GJB7: variants seen among roughly 807,000 people sequenced by gnomAD.
GJB7 encodes the protein gap junction protein beta 7.
For synonymous variants in GJB7, 87 were observed against 95.2 expected (o/e 0.91, Z 0.50); for missense variants, 253 against 256.8 (o/e 0.99, Z 0.10).
chr6:87,288,733 T>C (rs9450650), intron 2 of GJB7, among the ~76,000 whole-genome samples: 80,908 of 151,968 alleles, frequency 0.53, 21,899 homozygotes, highest in Admixed American at 0.62. Flanking sequence ...ATCCTTCTCT[T>C]TGCCTCAAAC....
At chr6:87,321,509 G>C (rs1276913647) in intron 2 of GJB7, among the ~76,000 whole-genome samples, 1 of 152,156 alleles carries the variant, frequency 6.6e-6, no homozygotes, top group Non-Finnish European at 1.5e-5. Flanking sequence ...CGGGAGGAAG[G>C]TATAATGAGG....
chr6:87,319,679 T>C (rs1055240436), intron 2 of GJB7, among the ~76,000 whole-genome samples: 1 of 152,194 alleles, frequency 6.6e-6, no homozygotes, highest in African/African-American at 2.4e-5. Context: ...GCCAGGTATA[T>C]ACCTAAAAGA....
At chr6:87,304,142 A>C (rs1267504845) in intron 2 of GJB7, among the ~76,000 whole-genome samples, 1 of 152,198 alleles carries the variant, frequency 6.6e-6, no homozygotes, top group Non-Finnish European at 1.5e-5. Flanking sequence ...AAACACATTC[A>C]AAAGCTAGCA....
intron 2 of GJB7, among the ~76,000 whole-genome samples, chr6:87,318,603 C>A (rs1411078229): frequency 2.6e-5 from 4 of 151,824 alleles, no homozygotes; most frequent in Middle Eastern, 3.2e-3. Flanking sequence ...GTTTTTCCAG[C>A]TTATTTTGTG....
intron 2 of GJB7, among the ~76,000 whole-genome samples, chr6:87,297,752 G>A (rs928964283): frequency 6.6e-6 from 1 of 152,196 alleles, no homozygotes; most frequent in Admixed American, 6.5e-5. Context: ...GTGTCATGAG[G>A]CAGGAGCTTC....
intron 2 of GJB7, among the ~76,000 whole-genome samples, chr6:87,318,011 A>G (rs926947): frequency 0.02 from 3,055 of 152,222 alleles, 83 homozygotes; most frequent in East Asian, 0.14. Flanking sequence ...AGAGAAGTAA[A>G]TACAAAATGA....
rs1488058047 is a variant in GJB7, at chr6:87,284,216, T to G, written c.*25A>C. ...GGGGAGGGGTCCCTCTCCTACCACA[T>G]TCAACATATCTGAGGCTGTGGCACT... On this transcript the variant is annotated 3_prime_UTR_variant, in exon 3 of 3. Transcript: ENST00000525899. 2 of 1,588,428 alleles carry G rather than the reference T, an allele frequency of 1.3e-6. No homozygotes were observed. Among genetic ancestry groups the G allele is most frequent in the South Asian group, 2.3e-5 (2 of 88,294 alleles).
chr6:87,314,782 T>C (rs1444816908), intron 2 of GJB7, among the ~76,000 whole-genome samples: 1 of 152,222 alleles, frequency 6.6e-6, no homozygotes, highest in Non-Finnish European at 1.5e-5. Flanking sequence ...CTCTTTAATA[T>C]ATCTGGGAAT....
chr6:87,312,108 G>T (rs951145975), intron 2 of GJB7, among the ~76,000 whole-genome samples: 2 of 152,042 alleles, frequency 1.3e-5, no homozygotes, highest in Non-Finnish European at 2.9e-5. Flanking sequence ...TTTGGATGTT[G>T]GTTACCTGAG....
Position 87,301,790 on chromosome 6 carries a change from G to C in GJB7, c.-27-16851C>G, listed in dbSNP as rs967974465. Among the ~76,000 whole-genome samples the C allele has an allele frequency of 3.3e-4, 50 of 152,232 alleles. 1 individual carries two copies. The highest frequency in any genetic ancestry group is 1.0e-3 in the African/African-American group (43 of 41,462). The stretch of plus-strand genomic sequence containing the variant: ...TGGGAGGCATCCCCCAGTAGGGGCA[G>C]ACTGACACCTCACATGGCCGGGTAC... On this transcript the variant is annotated intron_variant, in intron 2 of 2. Transcript: ENST00000525899.
intron 2 of GJB7, among the ~76,000 whole-genome samples, chr6:87,321,008 C>T (rs1229101466): frequency 6.6e-6 from 1 of 152,100 alleles, no homozygotes; most frequent in East Asian, 1.9e-4. Flanking sequence ...TGCCTGAGGT[C>T]AGGAGTTCGA....
At chr6:87,311,639 A>G (rs1206416609) in intron 2 of GJB7, among the ~76,000 whole-genome samples, 1 of 152,234 alleles carries the variant, frequency 6.6e-6, no homozygotes, top group Non-Finnish European at 1.5e-5. Context: ...CAGTAAGGTG[A>G]CAGTCTGGAG....
intron 2 of GJB7, among the ~76,000 whole-genome samples, chr6:87,313,661 A>T (rs1193759446): frequency 6.6e-6 from 1 of 152,230 alleles, no homozygotes; most frequent in African/African-American, 2.4e-5. Context: ...TTGAGTTAAA[A>T]TATCACACGT....
At chr6:87,309,241 C>T (rs1238451861) in intron 2 of GJB7, among the ~76,000 whole-genome samples, 1 of 152,192 alleles carries the variant, frequency 6.6e-6, no homozygotes, top group African/African-American at 2.4e-5. Flanking sequence ...ACTCATGGGC[C>T]AGGTACGTGT....
intron 2 of GJB7, among the ~76,000 whole-genome samples, chr6:87,312,783 T>C (rs1776530505): frequency 6.6e-6 from 1 of 152,208 alleles, no homozygotes; most frequent in Admixed American, 6.5e-5. Flanking sequence ...CCCGCCTCCC[T>C]ATTCAAATTG....
At chr6:87,327,409 T>C (rs1362100717) in intron 1 of GJB7, among the ~76,000 whole-genome samples, 1 of 152,226 alleles carries the variant, frequency 6.6e-6, no homozygotes, top group African/African-American at 2.4e-5. Flanking sequence ...TTCCTTTCCA[T>C]GTTTAGTGCT....
intron 2 of GJB7, among the ~76,000 whole-genome samples, chr6:87,285,263 G>A (rs550355632): frequency 6.6e-6 from 1 of 152,142 alleles, no homozygotes; most frequent in African/African-American, 2.4e-5. Context: ...AGATGGATGG[G>A]TCATGTTACT....
chr6:87,310,889 A>C (rs1776506127), intron 2 of GJB7, among the ~76,000 whole-genome samples: 1 of 152,236 alleles, frequency 6.6e-6, no homozygotes, highest in South Asian at 2.1e-4. Flanking sequence ...TTATATTACT[A>C]TAAAACTTTC....
chr6:87,324,153 G>C (rs536852106), intron 1 of GJB7, among the ~76,000 whole-genome samples: 45 of 152,124 alleles, frequency 3.0e-4, no homozygotes, highest in Non-Finnish European at 5.0e-4. Context: ...TGCTTGAGTT[G>C]ATTGTAGATT....
Sources: gnomAD v4.1 joint callset for allele counts (sites outside exome capture counted in the v4.1 genomes callset) on GRCh38, gnomAD v4.1.1 for gene constraint, MANE v1.5 for transcripts, NCBI Gene and HGNC (gene_info 2026-07-23, HGNC 2026-07-21) for gene names.